The following TSHZ2 variants were observed in gnomAD, a reference collection of about 807,000 sequenced individuals.
TSHZ2 encodes the protein teashirt homolog 2.
TSHZ2 carries 21 observed loss-of-function variants against 74.4 expected under a neutral mutation model. The observed-to-expected ratio is 0.28, with a 90% confidence interval of 0.20 to 0.41. The LOEUF (loss-of-function observed/expected upper bound fraction) is 0.41, where lower values mean the gene tolerates loss of function less well. Among genes scored for constraint, TSHZ2 ranks in the 10% least tolerant of loss-of-function variants. The pLI is 1.00. For missense variants in TSHZ2, 1,244 were observed against 1,293.5 expected (o/e 0.96, Z 0.59); for synonymous variants, 540 against 515.3 (o/e 1.05, Z -0.65).
chr20:53,323,996 C>T (rs1979390863), intron 2 of TSHZ2, among the ~76,000 whole-genome samples: 1 of 152,162 alleles, frequency 6.6e-6, no homozygotes, highest in South Asian at 2.1e-4. Flanking sequence ...GTGGTCCCTC[C>T]TGACCTCTCT....
chr20:53,129,267 A>G (rs1184260872), intron 1 of TSHZ2, among the ~76,000 whole-genome samples: 1 of 152,152 alleles, frequency 6.6e-6, no homozygotes, highest in Non-Finnish European at 1.5e-5. Context: ...TCTACTCTTT[A>G]TTATTTAATT....
At chr20:53,087,683 T>C (rs1005496269) in intron 1 of TSHZ2, among the ~76,000 whole-genome samples, 4 of 152,238 alleles carry the variant, frequency 2.6e-5, no homozygotes, top group African/African-American at 9.6e-5. Context: ...TTTGATTTGC[T>C]TGTGTATTTT....
intron 2 of TSHZ2, among the ~76,000 whole-genome samples, chr20:53,407,172 T>G (rs1338684865): frequency 1.3e-5 from 2 of 152,204 alleles, no homozygotes; most frequent in Non-Finnish European, 2.9e-5. Flanking sequence ...CCAGCTTTCT[T>G]CTTGAATTCC....
intron 1 of TSHZ2, among the ~76,000 whole-genome samples, chr20:53,212,108 G>A (rs1989322671): frequency 6.6e-6 from 1 of 152,000 alleles, no homozygotes; most frequent in Non-Finnish European, 1.5e-5. Flanking sequence ...GTTTGCATAA[G>A]GACTGGGGGC....
intron 2 of TSHZ2, among the ~76,000 whole-genome samples, chr20:53,374,894 G>T (rs1390937786): frequency 6.7e-6 from 1 of 148,960 alleles, no homozygotes; most frequent in Non-Finnish European, 1.5e-5. Flanking sequence ...TCACCCATGA[G>T]GTAGGTTGTC....
chr20:53,442,065 G>A (rs1198241793), intron 2 of TSHZ2, among the ~76,000 whole-genome samples: 1 of 152,220 alleles, frequency 6.6e-6, no homozygotes, highest in Non-Finnish European at 1.5e-5. Flanking sequence ...GCCTGCGTAG[G>A]TGGGGCTTAG....
At chr20:53,332,027 C>T (rs1414746275) in intron 2 of TSHZ2, among the ~76,000 whole-genome samples, 7 of 152,136 alleles carry the variant, frequency 4.6e-5, no homozygotes, top group Admixed American at 4.6e-4. Flanking sequence ...GTCCCATTCA[C>T]TGAATACATC....
chr20:52,980,164 T>C (rs2051201387), intron 1 of TSHZ2, among the ~76,000 whole-genome samples: 1 of 152,188 alleles, frequency 6.6e-6, no homozygotes, highest in Admixed American at 6.5e-5. Context: ...TCAAGGATCT[T>C]CGTAAGATAG....
chr20:53,012,316 C>T (rs1263150386), intron 1 of TSHZ2, among the ~76,000 whole-genome samples: 3 of 152,112 alleles, frequency 2.0e-5, no homozygotes, highest in South Asian at 4.1e-4. Context: ...AGCCACCAAT[C>T]GGCCTTCTCT....
intron 2 of TSHZ2, among the ~76,000 whole-genome samples, chr20:53,411,431 G>A (rs1290579416): frequency 6.6e-6 from 1 of 152,186 alleles, no homozygotes; most frequent in Non-Finnish European, 1.5e-5. Context: ...CAGAGCTTTA[G>A]AATCTGACAG....
intron 1 of TSHZ2, among the ~76,000 whole-genome samples, chr20:53,237,984 T>C (rs971431183): frequency 1.3e-5 from 2 of 152,092 alleles, no homozygotes; most frequent in Admixed American, 1.3e-4. Flanking sequence ...TATGAAAAAA[T>C]ATACATCTGG....
intron 1 of TSHZ2, among the ~76,000 whole-genome samples, chr20:53,068,147 C>T (rs1473871156): frequency 6.6e-6 from 1 of 152,194 alleles, no homozygotes; most frequent in East Asian, 1.9e-4. Flanking sequence ...AAGCTGATTA[C>T]ACCTGCAAAG....
intron 1 of TSHZ2, among the ~76,000 whole-genome samples, chr20:53,087,712 T>C (rs1486538969): frequency 6.6e-6 from 1 of 152,230 alleles, no homozygotes; most frequent in Non-Finnish European, 1.5e-5. Context: ...CTTCAGGCTA[T>C]TTAGAGAAAA....
At chr20:53,475,233 T>C (rs866627279) in intron 2 of TSHZ2, among the ~76,000 whole-genome samples, 3,156 of 131,242 alleles carry the variant, frequency 0.024, 522 homozygotes, top group African/African-American at 0.091. Flanking sequence ...CCACACCTAT[T>C]CCAAAATTGA....
intron 1 of TSHZ2, among the ~76,000 whole-genome samples, chr20:53,137,955 A>C (rs1293028356): frequency 6.6e-6 from 1 of 152,236 alleles, no homozygotes; most frequent in Non-Finnish European, 1.5e-5. Flanking sequence ...TAAGTGAGCT[A>C]CTTAAAAAAG....
In TSHZ2 at chr20:53,160,745, C is replaced by CAAAAAAAAAAAAAAAAAA. The variant is rs10653039; in HGVS notation, c.41-92753_41-92736dup. Among the ~76,000 whole-genome samples, 35 of 95,808 alleles carry CAAAAAAAAAAAAAAAAAA rather than the reference C, an allele frequency of 3.7e-4. 2 individuals are homozygous for CAAAAAAAAAAAAAAAAAA. The highest frequency in any genetic ancestry group is 1.4e-3 in the African/African-American group (34 of 23,644). The allele number at this position is 95,808 out of a possible 152,430, so 62.9% of individuals were successfully genotyped here. On this transcript the variant is annotated intron_variant, in intron 1 of 2. Coordinates refer to ENST00000371497, the MANE Select transcript of TSHZ2 (RefSeq NM_173485.6). ...GGGTGACAGGGCAAGACTCTGTCTCCAAAAAAAAAAAAAAAAAAGACATTT... is the reference window on the plus strand; with the variant it reads ...GGGTGACAGGGCAAGACTCTGTCTCCAAAAAAAAAAAAAAAAAAAAAAAAAAAAAAAAAAAAGACATTT...
chr20:53,047,408 C>A (rs2123115588), intron 1 of TSHZ2, among the ~76,000 whole-genome samples: 1 of 152,190 alleles, frequency 6.6e-6, no homozygotes, highest in South Asian at 2.1e-4. Flanking sequence ...AGATGGCTGC[C>A]CTGGATTCTA....
intron 1 of TSHZ2, among the ~76,000 whole-genome samples, chr20:53,222,316 A>G (rs1989583475): frequency 6.6e-6 from 1 of 152,174 alleles, no homozygotes; most frequent in African/African-American, 2.4e-5. Flanking sequence ...TGAAATCTTC[A>G]ACATTCTTGC....
intron 1 of TSHZ2, among the ~76,000 whole-genome samples, chr20:53,226,160 A>ACACACG (rs199676007): frequency 1.5e-5 from 2 of 136,056 alleles, no homozygotes; most frequent in African/African-American, 5.4e-5. Context: ...ACACACACAC[A>ACACACG]TGCACACAAA....
Sources: allele counts gnomAD v4.1 joint callset (sites outside exome capture counted in the v4.1 genomes callset), GRCh38; gene constraint gnomAD v4.1.1; transcripts MANE v1.5; gene names NCBI Gene and HGNC (gene_info 2026-07-23, HGNC 2026-07-21).